The following PEBP4 variants were observed in gnomAD, a reference collection of about 807,000 sequenced individuals.
PEBP4 encodes phosphatidylethanolamine-binding protein 4.
In PEBP4, 22 loss-of-function variants were observed where a neutral mutation model predicts 23.9. The ratio of observed to expected loss-of-function variants is 0.92; its 90% confidence interval spans 0.66 to 1.31. PEBP4 has a LOEUF of 1.31. Among genes scored for constraint, PEBP4 ranks in the 40% most tolerant of loss-of-function variants. PEBP4 has a pLI of 0.00. For missense variants in PEBP4, 324 were observed against 281.7 expected (o/e 1.15, Z -1.07); for synonymous variants, 112 against 99.3 (o/e 1.13, Z -0.76).
chr8:22,829,627 C>T (rs1263869510), intron 3 of PEBP4, among the ~76,000 whole-genome samples: 1 of 152,154 alleles, frequency 6.6e-6, no homozygotes, highest in Non-Finnish European at 1.5e-5. Context: ...GAAGAGATTG[C>T]TTCCTCTGTC....
At chr8:22,733,838 AATTGGGGAGGGTGGGGATGGGGG>A (rs1804792382) in intron 4 of PEBP4, among the ~76,000 whole-genome samples, 1 of 13,134 alleles carries the variant, frequency 7.6e-5, no homozygotes, top group Admixed American at 9.7e-4. Flanking sequence ...GGGATGGGGG[AATTGGGGAGGGTGGGGATGGGGG>A]GACAGGCATC....
chr8:22,732,452 A>C (rs1804758503), intron 4 of PEBP4, among the ~76,000 whole-genome samples: 1 of 152,204 alleles, frequency 6.6e-6, no homozygotes, highest in Non-Finnish European at 1.5e-5. Context: ...TAGCTAACGC[A>C]CACGGAACTT....
At chr8:22,861,193 G>A (rs908002132) in intron 3 of PEBP4, among the ~76,000 whole-genome samples, 3 of 152,162 alleles carry the variant, frequency 2.0e-5, no homozygotes, top group Non-Finnish European at 4.4e-5. Flanking sequence ...GCCTTCACCA[G>A]TGGAGTGGGG....
At chr8:22,860,951 G>T (rs1807768702) in intron 3 of PEBP4, among the ~76,000 whole-genome samples, 1 of 152,188 alleles carries the variant, frequency 6.6e-6, no homozygotes. Flanking sequence ...AGCTCTTGAG[G>T]ACCCGGGCCA....
chr8:22,896,861 T>TTC (rs897911421), intron 3 of PEBP4, among the ~76,000 whole-genome samples: 52 of 151,736 alleles, frequency 3.4e-4, no homozygotes, highest in Admixed American at 3.0e-3. Flanking sequence ...ACTTGATAGT[T>TTC]TCTCTCTCTC....
At position 22,713,424 on chromosome 8, in the gene PEBP4, T is replaced by C; in HGVS notation, c.630A>G (p.Arg210=). 6.2e-7 allele frequency: 1 copy of C among 1,612,474 alleles called. No homozygotes were observed. The highest frequency in any genetic ancestry group is 1.1e-5 in the South Asian group (1 of 90,982). The change falls in exon 7 of 7, where the codon AGA becomes AGG. Residue 210 remains arginine (R), a synonymous_variant. Transcript: ENST00000256404. ...YQDSPTLQAP[R]ERASEPKHKN... Reference sequence around the variant, plus strand: ...TGTGCTTGGGCTCGCTGGCCCTTTCTCTGGGAGCCTGGAGGGTTGGTGAGT... The same window carrying C: ...TGTGCTTGGGCTCGCTGGCCCTTTCCCTGGGAGCCTGGAGGGTTGGTGAGT...
intron 3 of PEBP4, among the ~76,000 whole-genome samples, chr8:22,847,471 C>T (rs147821624): frequency 1.6e-4 from 24 of 152,214 alleles, no homozygotes; most frequent in African/African-American, 2.6e-4. Context: ...AGGAAGACCC[C>T]CAAGGGACAG....
rs1806326380 is a variant in PEBP4, at chr8:22,798,919, G to A, written c.357+18718C>T. Among the ~76,000 whole-genome samples, 2 of 151,494 alleles carry A rather than the reference G, an allele frequency of 1.3e-5. 1 individual carries two copies. The highest frequency in any genetic ancestry group is 4.2e-4 in the South Asian group (2 of 4,778). On this transcript the variant is annotated intron_variant, in intron 4 of 6. Coordinates refer to ENST00000256404, the MANE Select transcript of PEBP4 (RefSeq NM_144962.3). ...TGCCCGGCTAATTTGTTTATTTTTA[G>A]TATAGACAGGGTTTCACAATGTTGG...
At chr8:22,861,811 A>G (rs1368419953) in intron 3 of PEBP4, among the ~76,000 whole-genome samples, 1 of 152,234 alleles carries the variant, frequency 6.6e-6, no homozygotes, top group East Asian at 1.9e-4. Context: ...GGTGGTGGAC[A>G]GGAGAAAATG....
At chr8:22,892,016 T>C (rs534230684) in intron 3 of PEBP4, among the ~76,000 whole-genome samples, 2 of 150,594 alleles carry the variant, frequency 1.3e-5, no homozygotes, top group South Asian at 4.2e-4. Context: ...GAACTTGCAG[T>C]GAGCCGAGAT....
At chr8:22,928,659 C>T (rs1000549300), upstream of PEBP4, among the ~76,000 whole-genome samples, 2 of 152,062 alleles carry the variant, frequency 1.3e-5, no homozygotes, top group African/African-American at 2.4e-5. Context: ...AATAGCTCTG[C>T]TCTCTGCTTC....
chr8:22,762,447 G>T (rs1384669886), intron 4 of PEBP4, among the ~76,000 whole-genome samples: 1 of 152,148 alleles, frequency 6.6e-6, no homozygotes, highest in Non-Finnish European at 1.5e-5. Flanking sequence ...TGCTCCATCA[G>T]TTTTTCTGGG....
Position 22,826,532 on chromosome 8 carries a change from A to C in PEBP4, c.259-8797T>G, listed in dbSNP as rs917306028. On this transcript the variant is annotated intron_variant, in intron 3 of 6. Coordinates refer to ENST00000256404, the MANE Select transcript of PEBP4 (RefSeq NM_144962.3). ...AGTGCCCATGAGCTGGGGATTGGTTAATAAACAATGATATGTACTCAGAGT... is the reference window on the plus strand; with the variant it reads ...AGTGCCCATGAGCTGGGGATTGGTTCATAAACAATGATATGTACTCAGAGT... Among the ~76,000 whole-genome samples the C allele has an allele frequency of 3.9e-5, 6 of 152,238 alleles. No homozygotes were observed. The East Asian group carries it at 1.2e-3, about 29-fold the overall frequency.
intron 2 of PEBP4, among the ~76,000 whole-genome samples, chr8:22,926,125 G>A (rs919496043): frequency 4.6e-5 from 7 of 151,390 alleles, no homozygotes; most frequent in East Asian, 2.0e-4. Context: ...ACAGGTGTGC[G>A]CCACCATGCC....
In PEBP4 at chr8:22,899,164, T is replaced by A. The variant is rs1808657745; in HGVS notation, c.258+21020A>T. 2.6e-5 allele frequency among the ~76,000 whole-genome samples: 4 copies of A among 152,202 alleles called. No homozygotes were observed. In the South Asian group the frequency reaches 8.3e-4, roughly 32 times the overall value. On this transcript the variant is annotated intron_variant, in intron 3 of 6. Coordinates refer to ENST00000256404, the MANE Select transcript of PEBP4 (RefSeq NM_144962.3). ...AAGCATTGTTGGGAAGATTAAATGA[T>A]GATGATACATAAAGAATATAGCCCT...
At chr8:22,876,721 G>C (rs951502611) in intron 3 of PEBP4, among the ~76,000 whole-genome samples, 1 of 152,214 alleles carries the variant, frequency 6.6e-6, no homozygotes, top group Non-Finnish European at 1.5e-5. Context: ...GTAAATAAAT[G>C]AGTTAGGAAT....
chr8:22,824,925 G>C (rs1348047513), intron 3 of PEBP4, among the ~76,000 whole-genome samples: 1 of 152,176 alleles, frequency 6.6e-6, no homozygotes, highest in Non-Finnish European at 1.5e-5. Context: ...CCATGGACCG[G>C]TACTGGGGGT....
At chr8:22,787,746 T>C (rs1183726810) in intron 4 of PEBP4, among the ~76,000 whole-genome samples, 1 of 152,158 alleles carries the variant, frequency 6.6e-6, no homozygotes, top group Non-Finnish European at 1.5e-5. Context: ...CTATGAGTAA[T>C]TGTGCGACGG....
intron 3 of PEBP4, among the ~76,000 whole-genome samples, chr8:22,823,693 T>C (rs1032742138): frequency 3.0e-4 from 45 of 151,672 alleles, no homozygotes; most frequent in African/African-American, 1.1e-3. Flanking sequence ...GCAAAAAAAG[T>C]CCAAAATAAA....
Sources: gnomAD v4.1 joint callset for allele counts (sites outside exome capture counted in the v4.1 genomes callset) on GRCh38, gnomAD v4.1.1 for gene constraint, MANE v1.5 for transcripts, NCBI Gene and HGNC (gene_info 2026-07-23, HGNC 2026-07-21) for gene names.